Variants in CDC34 observed in about 807,000 individuals in gnomAD.
CDC34 encodes ubiquitin-conjugating enzyme E2 R1.
In CDC34, 18 loss-of-function variants were observed where a neutral mutation model predicts 26.8. That is an observed-to-expected ratio of 0.67 (90% CI 0.47 to 1.00). CDC34 has a LOEUF of 1.00. Ranked by LOEUF, CDC34 falls within the 50% of genes least tolerant of loss-of-function variation. The pLI, the probability that CDC34 is intolerant of heterozygous loss-of-function variation, is 0.00. For synonymous variants in CDC34, 178 were observed against 147.5 expected (o/e 1.21, Z -1.50); for missense variants, 280 against 334.5 (o/e 0.84, Z 1.27).
At chr19:532,157 G>A (rs1979518743) in intron 1 of CDC34, 49 bp downstream of exon 1, 2 of 1,421,176 alleles carry the variant, frequency 1.4e-6, no homozygotes, top group Non-Finnish European at 1.8e-6. Flanking sequence ...GAGCGACCTC[G>A]GGCGCCGGGA....
chr19:532,962 C>T (rs1979565563), intron 1 of CDC34, among the ~76,000 whole-genome samples: 1 of 152,212 alleles, frequency 6.6e-6, no homozygotes, highest in Admixed American at 6.5e-5. Context: ...GGACCCAAAC[C>T]CCGAGTTCTG....
rs1600423782 is a variant in CDC34, at chr19:536,213, C to A, written c.265-30C>A. On this transcript the variant is annotated intron_variant, in intron 2 of 4. Transcript: ENST00000215574. ...ACTGGGAGCCCGTGCTGACCTCTGA[C>A]CTGTTCTGACCTGTCTTCTTCTTGT... 3 of 1,563,290 alleles carry A rather than the reference C, an allele frequency of 1.9e-6. 1 individual carries two copies. The highest frequency in any genetic ancestry group is 3.3e-4 in the Middle Eastern group (2 of 5,984).
chr19:535,983 C>G, intron 2 of CDC34, 60 bp downstream of exon 2: 1 of 1,470,016 alleles, frequency 6.8e-7, no homozygotes, highest in Non-Finnish European at 9.5e-7. Flanking sequence ...GTGCTGGGAG[C>G]CTCACGTCCT....
chr19:537,213 C>T, intron 4 of CDC34, 66 bp downstream of exon 4: 2 of 1,557,430 alleles, frequency 1.3e-6, no homozygotes, highest in Non-Finnish European at 1.7e-6. Context: ...GGCCCCTGGT[C>T]CCACGGCCGC....
chr19:537,217 C>A (rs539920175), intron 4 of CDC34, 70 bp downstream of exon 4: 119 of 1,556,618 alleles, frequency 7.6e-5, no homozygotes, highest in Non-Finnish European at 1.0e-4. Context: ...CCTGGTCCCA[C>A]GGCCGCCCAG....
intron 4 of CDC34, chr19:538,946 G>A (rs1367393170): frequency 1.7e-5 from 17 of 985,214 alleles, no homozygotes; most frequent in Non-Finnish European, 2.0e-5. Flanking sequence ...CTGGCTCCTT[G>A]GCCCGGTTCT....
chr19:537,130 G>A lies in CDC34; in HGVS notation c.480G>A (p.Glu160=). ...AAGAGAGCAAGGGGAAGGATCGGGA[G>A]TACACAGACATCATCCGGTGAGGGC... ...KWKESKGKDR[E]YTDIIRKQVL... Residue 160 remains glutamate (E), a synonymous_variant, in exon 4 of 5, where the codon GAG becomes GAA. Transcript: ENST00000215574. 1.2e-6 allele frequency: 2 copies of A among 1,613,556 alleles called. No homozygotes were observed. Among genetic ancestry groups the A allele is most frequent in the South Asian group, 1.1e-5 (1 of 91,088 alleles).
At position 541,388 on chromosome 19, in the gene CDC34, G is replaced by T; in HGVS notation, c.547G>T (p.Val183Leu). Residue 183 changes from valine (V) to leucine (L), a missense_variant, in exon 5 of 5, where the codon GTG (valine) becomes TTG (leucine). Coordinates refer to ENST00000215574, the MANE Select transcript of CDC34 (RefSeq NM_004359.2). ...GGACGCGGAGCGTGACGGCGTGAAG[G>T]TGCCCACCACGCTGGCCGAGTACTG... is the stretch of plus-strand genomic sequence containing the variant. ...KVDAERDGVK[V>L]PTTLAEYCVK... 2 of 1,610,228 alleles carry T rather than the reference G, an allele frequency of 1.2e-6. No homozygotes were observed. The highest frequency in any genetic ancestry group is 1.7e-6 in the Non-Finnish European group (2 of 1,179,288).
At chr19:537,421 C>G (rs2011225) in intron 4 of CDC34, among the ~76,000 whole-genome samples, 1 of 151,348 alleles carries the variant, frequency 6.6e-6, no homozygotes, top group Non-Finnish European at 1.5e-5. Flanking sequence ...GGCGCGATCT[C>G]GGCTCACTGC....
At position 537,109 on chromosome 19, in the gene CDC34, G is replaced by A. The variant is rs568383315; in HGVS notation, c.459G>A (p.Glu153=). The change falls in exon 4 of 5, where the codon GAG becomes GAA. Residue 153 remains glutamate, a synonymous_variant. Transcript: ENST00000215574. ...CCGTGATGTACAGGAAGTGGAAAGA[G>A]AGCAAGGGGAAGGATCGGGAGTACA... ...DASVMYRKWK[E]SKGKDREYTD... is the part of the protein sequence containing the mutation. The A allele has an allele frequency of 2.9e-5, 46 of 1,613,816 alleles. No individual in the cohort carries two copies. The highest frequency in any genetic ancestry group is 4.5e-5 in the East Asian group (2 of 44,876).
chr19:539,704 TG>T (rs1979924069), intron 4 of CDC34, among the ~76,000 whole-genome samples: 1 of 152,140 alleles, frequency 6.6e-6, no homozygotes. Context: ...GCCCATTGCC[TG>T]CGGCTGCAGC....
At chr19:539,064 A>T (rs1331688079) in intron 4 of CDC34, 13 of 947,784 alleles carry the variant, frequency 1.4e-5, no homozygotes, top group African/African-American at 5.3e-5. Flanking sequence ...CACATGTGCC[A>T]TGTGGACTCT....
chr19:540,865 C>T (rs1016942225), intron 4 of CDC34, among the ~76,000 whole-genome samples: 5 of 151,304 alleles, frequency 3.3e-5, no homozygotes, highest in East Asian at 3.9e-4. Flanking sequence ...GCTGAGGCCA[C>T]GGAGAGGCTC....
chr19:534,126 G>A (rs572348607), intron 1 of CDC34, among the ~76,000 whole-genome samples: 115 of 152,324 alleles, frequency 7.5e-4, no homozygotes, highest in Middle Eastern at 6.8e-3. Context: ...GTACAGATGA[G>A]GCCTTGGCTG....
chr19:541,596 A>T lies in CDC34; in HGVS notation c.*44A>T. The T allele has an allele frequency of 6.6e-7, 1 of 1,517,318 alleles. No individual in the cohort carries two copies. The highest frequency in any genetic ancestry group is 8.8e-7 in the Non-Finnish European group (1 of 1,130,750). 94.0% of individuals were successfully genotyped at this position (1,517,318 alleles called of 1,614,324 possible). A position where few individuals can be genotyped will look rare whatever the true frequency, so the allele number is the denominator to read the frequency against. ...GCCGAGTTTACCTCACTAGGGCCGGACCCGTGGCTCCTTAGACGACAGACT... is the reference window on the plus strand; with the variant it reads ...GCCGAGTTTACCTCACTAGGGCCGGTCCCGTGGCTCCTTAGACGACAGACT... On this transcript the variant is annotated 3_prime_UTR_variant, in exon 5 of 5. Coordinates refer to ENST00000215574, the MANE Select transcript of CDC34 (RefSeq NM_004359.2).
At position 537,022 on chromosome 19, in the gene CDC34, C is replaced by T; in HGVS notation, c.372C>T (p.Leu124=). ...WNPTQNVRTI[L]LSVISLLNEP... ...CCCACTCTCCCCACAGGACCATTCT[C>T]CTGAGTGTGATCTCCCTCCTGAACG... Residue 124 remains leucine (L), a synonymous_variant, in exon 4 of 5, where the codon CTC becomes CTT. Transcript: ENST00000215574. 6.2e-7 allele frequency: 1 copy of T among 1,613,714 alleles called. No individual in the cohort carries two copies. Among genetic ancestry groups the T allele is most frequent in the Non-Finnish European group, 8.5e-7 (1 of 1,179,980 alleles).
intron 4 of CDC34, chr19:538,972 T>C: frequency 2.0e-6 from 2 of 985,298 alleles, no homozygotes; most frequent in Non-Finnish European, 2.4e-6. Context: ...GCCACCTCCC[T>C]GAGGCACCAC....
rs535735359 is a variant in CDC34, at chr19:533,393, C to T, written c.177+1285C>T. Among the ~76,000 whole-genome samples the T allele has an allele frequency of 3.3e-5, 5 of 152,376 alleles. No homozygotes were observed. The East Asian group carries it at 9.6e-4, about 29-fold the overall frequency. On this transcript the variant is annotated intron_variant, in intron 1 of 4. Coordinates refer to ENST00000215574, the MANE Select transcript of CDC34 (RefSeq NM_004359.2). The stretch of plus-strand genomic sequence containing the variant: ...CTAATTAGTGTCTGAACCGCACCCG[C>T]TCAGCGGCTGTGAGGGCAGCAGCCT...
intron 1 of CDC34, 82 bp from the exon 2 acceptor site, chr19:535,755 T>A: frequency 1.9e-6 from 2 of 1,030,768 alleles, no homozygotes; most frequent in Non-Finnish European, 3.0e-6. Flanking sequence ...GCACTGGGAG[T>A]GGGATGGCCT....
Sources: gnomAD v4.1 joint callset for allele counts (sites outside exome capture counted in the v4.1 genomes callset) on GRCh38, gnomAD v4.1.1 for gene constraint, MANE v1.5 for transcripts, NCBI Gene and HGNC (gene_info 2026-07-23, HGNC 2026-07-21) for gene names.